SMCO4: variants seen among roughly 807,000 people sequenced by gnomAD.
SMCO4 encodes the protein single-pass membrane protein with coiled-coil domains 4.
A neutral mutation model predicts 3.6 loss-of-function variants in SMCO4; 4 were observed. The ratio of observed to expected loss-of-function variants is 1.11; its 90% CI spans 0.54 to 2.53. The LOEUF (loss-of-function observed/expected upper bound fraction) is 2.53, where lower values mean the gene tolerates loss of function less well. Ranked by LOEUF, SMCO4 falls within the 30% of genes most tolerant of loss-of-function variation. SMCO4 has a pLI of 0.02. For synonymous variants in SMCO4, 36 were observed against 35.3 expected (o/e 1.02, Z -0.07); for missense variants, 70 against 80.8 (o/e 0.87, Z 0.51).
At chr11:93,530,899 TACC>T (rs1949155618) in intron 1 of SMCO4, among the ~76,000 whole-genome samples, 1 of 152,172 alleles carries the variant, frequency 6.6e-6, no homozygotes. Context: ...ATATCTCACA[TACC>T]ACCTGGACAG....
intron 1 of SMCO4, among the ~76,000 whole-genome samples, chr11:93,542,741 A>C (rs1414701357): frequency 6.8e-6 from 1 of 146,546 alleles, no homozygotes; most frequent in Non-Finnish European, 1.5e-5. Flanking sequence ...CCTCACCTCT[A>C]CTCCCCGACC....
chr11:93,542,523 T>C (rs183544349), intron 1 of SMCO4, among the ~76,000 whole-genome samples: 1 of 152,260 alleles, frequency 6.6e-6, no homozygotes, highest in East Asian at 1.9e-4. Flanking sequence ...AGCACTGCAG[T>C]CTGAGGTGAA....
intron 1 of SMCO4, among the ~76,000 whole-genome samples, chr11:93,518,919 G>C (rs1046281978): frequency 6.6e-6 from 1 of 152,174 alleles, no homozygotes; most frequent in Non-Finnish European, 1.5e-5. Flanking sequence ...TTCCCGCCCT[G>C]GTTCTCATTT....
chr11:93,494,287 C>G (rs1261568376), intron 2 of SMCO4, among the ~76,000 whole-genome samples: 1 of 152,228 alleles, frequency 6.6e-6, no homozygotes, highest in Non-Finnish European at 1.5e-5. Flanking sequence ...GTTTTAAAGT[C>G]TAGTTATCAT....
At chr11:93,523,145 G>GT (rs756165487) in intron 1 of SMCO4, among the ~76,000 whole-genome samples, 10 of 152,154 alleles carry the variant, frequency 6.6e-5, no homozygotes, top group Non-Finnish European at 1.5e-4. Flanking sequence ...GACCAAAAAT[G>GT]TAAGAGCTGG....
At chr11:93,523,164 G>C (rs190224680) in intron 1 of SMCO4, among the ~76,000 whole-genome samples, 2 of 152,130 alleles carry the variant, frequency 1.3e-5, no homozygotes, top group Admixed American at 6.5e-5. Context: ...GGCCAAGCAC[G>C]GTGGCTCATG....
intron 2 of SMCO4, among the ~76,000 whole-genome samples, chr11:93,484,684 A>T (rs973772446): frequency 5.1e-5 from 7 of 138,306 alleles, no homozygotes; most frequent in African/African-American, 1.6e-4. Flanking sequence ...AACACCAGGG[A>T]ATTCTTTTTT....
At position 93,534,255 on chromosome 11, in the gene SMCO4, CACACACAA is replaced by C. The variant is rs1423627157; in HGVS notation, c.-154+9013_-154+9020del. 6.1e-5 allele frequency among the ~76,000 whole-genome samples: 6 copies of C among 97,810 alleles called. No homozygotes were observed. The East Asian group carries it at 7.8e-4, about 13-fold the overall frequency. The allele number at this position is 97,810 out of a possible 152,430, so 64.2% of individuals were successfully genotyped here. On this transcript the variant is annotated intron_variant, in intron 1 of 2. Coordinates refer to ENST00000298966, the MANE Select transcript of SMCO4 (RefSeq NM_020179.3). The stretch of plus-strand genomic sequence containing the variant: ...ACACACACACACACACACACACACA[CACACACAA>C]ACACATATATATATACATATATACA...
chr11:93,525,940 G>A (rs1949102182), intron 1 of SMCO4, among the ~76,000 whole-genome samples: 1 of 152,178 alleles, frequency 6.6e-6, no homozygotes, highest in Non-Finnish European at 1.5e-5. Flanking sequence ...GATTCAAACA[G>A]TTGTGAAAAA....
intron 1 of SMCO4, among the ~76,000 whole-genome samples, chr11:93,540,110 C>T (rs908660339): frequency 2.6e-5 from 4 of 152,060 alleles, no homozygotes; most frequent in African/African-American, 9.7e-5. Flanking sequence ...ATATTCATTG[C>T]GCGTGCTGGG....
chr11:93,489,648 G>A, intron 2 of SMCO4, among the ~76,000 whole-genome samples: 1 of 152,244 alleles, frequency 6.6e-6, no homozygotes. Context: ...GTAAGAGAAA[G>A]ACAATGTGAG....
intron 1 of SMCO4, among the ~76,000 whole-genome samples, chr11:93,520,379 G>T (rs1199160253): frequency 1.3e-5 from 2 of 152,124 alleles, no homozygotes; most frequent in African/African-American, 4.8e-5. Context: ...ATGTTACCCC[G>T]TTTAATCCTC....
intron 1 of SMCO4, among the ~76,000 whole-genome samples, chr11:93,521,354 C>G (rs1261530043): frequency 1.3e-5 from 2 of 152,200 alleles, no homozygotes; most frequent in Non-Finnish European, 2.9e-5. Context: ...AATCATAAAA[C>G]GAAGGGCAGC....
At chr11:93,498,173 G>A (rs1019687715) in intron 2 of SMCO4, among the ~76,000 whole-genome samples, 2 of 152,170 alleles carry the variant, frequency 1.3e-5, no homozygotes, top group East Asian at 3.8e-4. Context: ...CTGGAAATTT[G>A]TATCTCTGGG....
chr11:93,534,684 C>T (rs1367939430), intron 1 of SMCO4, among the ~76,000 whole-genome samples: 2 of 152,176 alleles, frequency 1.3e-5, no homozygotes, highest in South Asian at 2.1e-4. Flanking sequence ...CCCTCCACCA[C>T]TCCTGCTCTC....
upstream of SMCO4, among the ~76,000 whole-genome samples, chr11:93,544,314 T>C (rs528731079): frequency 3.3e-5 from 5 of 152,338 alleles, no homozygotes; most frequent in African/African-American, 4.8e-5. Context: ...ATGTAAAATA[T>C]TGACTACCTT....
At chr11:93,513,786 T>G in intron 1 of SMCO4, among the ~76,000 whole-genome samples, 1 of 152,158 alleles carries the variant, frequency 6.6e-6, no homozygotes, top group South Asian at 2.1e-4. Context: ...GAATCGTAGT[T>G]ATTAATAAGG....
chr11:93,482,023 G>C (rs1381951686), intron 2 of SMCO4, among the ~76,000 whole-genome samples: 1 of 152,244 alleles, frequency 6.6e-6, no homozygotes, highest in East Asian at 1.9e-4. Context: ...ACATTTGTAA[G>C]ATGCATTCAG....
chr11:93,480,894 C>T (rs977228788), intron 2 of SMCO4, among the ~76,000 whole-genome samples: 1 of 152,206 alleles, frequency 6.6e-6, no homozygotes, highest in Non-Finnish European at 1.5e-5. Flanking sequence ...CAAAATCAGG[C>T]AGAGTTTCCT....
Sources: allele counts gnomAD v4.1 joint callset (sites outside exome capture counted in the v4.1 genomes callset), GRCh38; gene constraint gnomAD v4.1.1; transcripts MANE v1.5; gene names NCBI Gene and HGNC (gene_info 2026-07-23, HGNC 2026-07-21).